The following ZNF385D variants were observed in gnomAD, a reference collection of about 807,000 sequenced individuals.
ZNF385D encodes zinc finger protein 659.
In ZNF385D, 15 loss-of-function variants were observed where a neutral mutation model predicts 35.8. That is an observed-to-expected ratio of 0.42 (90% CI 0.28 to 0.64). The LOEUF (loss-of-function observed/expected upper bound fraction) is 0.64, where lower values mean the gene tolerates loss of function less well. Ranked by LOEUF, ZNF385D falls within the 30% of genes least tolerant of loss-of-function variation. ZNF385D has a pLI of 0.23. For missense variants in ZNF385D, 474 were observed against 494.6 expected (o/e 0.96, Z 0.39); for synonymous variants, 212 against 186.8 (o/e 1.13, Z -1.10).
chr3:21,854,436 C>A (rs1334675233), intron 3 of ZNF385D, among the ~76,000 whole-genome samples: 3 of 151,880 alleles, frequency 2.0e-5, no homozygotes, highest in Admixed American at 2.0e-4. Flanking sequence ...TAATTCTTTG[C>A]CGGATTAGCT....
rs544822278 is a variant in ZNF385D, at chr3:21,937,842, T to A, written c.325+230975A>T. ...TAAATGTAGTTAATATAAGACAATA[T>A]GTATGTAGCTTTAAGTAGCCTCTAT... On this transcript the variant is annotated intron_variant, in intron 3 of 5. Transcript: ENST00000494108. 4.6e-5 allele frequency among the ~76,000 whole-genome samples: 7 copies of A among 152,318 alleles called. No individual in the cohort carries two copies. In the East Asian group the frequency reaches 1.3e-3, roughly 29 times the overall value.
At chr3:21,836,021 A>C (rs1212964778) in intron 3 of ZNF385D, among the ~76,000 whole-genome samples, 2 of 152,100 alleles carry the variant, frequency 1.3e-5, no homozygotes, top group Admixed American at 1.3e-4. Context: ...CAGACAGGTA[A>C]AGAAAATTAT....
At chr3:21,875,235 C>T (rs1697903360) in intron 3 of ZNF385D, among the ~76,000 whole-genome samples, 1 of 143,730 alleles carries the variant, frequency 7.0e-6, no homozygotes, top group African/African-American at 2.5e-5. Context: ...ATATGAATGT[C>T]TTTTTATTTC....
intron 2 of ZNF385D, among the ~76,000 whole-genome samples, chr3:22,288,002 TG>T (rs1040539731): frequency 2.0e-5 from 3 of 152,048 alleles, no homozygotes; most frequent in Admixed American, 2.0e-4. Flanking sequence ...TCTTCATCTT[TG>T]AAAGACAGAA....
At chr3:22,138,012 C>T (rs1311203168) in intron 3 of ZNF385D, among the ~76,000 whole-genome samples, 2 of 152,126 alleles carry the variant, frequency 1.3e-5, no homozygotes, top group African/African-American at 4.8e-5. Context: ...CATAAGCAAT[C>T]GTATACACCA....
chr3:22,234,511 T>C (rs1233280252), intron 2 of ZNF385D, among the ~76,000 whole-genome samples: 3 of 152,066 alleles, frequency 2.0e-5, no homozygotes, highest in Non-Finnish European at 4.4e-5. Flanking sequence ...TGAACTTGTT[T>C]CATTCTTCTC....
intron 3 of ZNF385D, among the ~76,000 whole-genome samples, chr3:21,939,243 A>C (rs1402582008): frequency 6.6e-6 from 1 of 152,216 alleles, no homozygotes; most frequent in Non-Finnish European, 1.5e-5. Context: ...CCCCGTGCCT[A>C]CTTTGGCTCT....
chr3:21,891,012 C>T (rs973734205), intron 3 of ZNF385D, among the ~76,000 whole-genome samples: 4 of 152,076 alleles, frequency 2.6e-5, no homozygotes, highest in African/African-American at 7.2e-5. Flanking sequence ...TGGAACTGGA[C>T]TAATACAGGT....
intron 4 of ZNF385D, among the ~76,000 whole-genome samples, chr3:21,460,062 A>C (rs1703067370): frequency 6.6e-6 from 1 of 152,172 alleles, no homozygotes; most frequent in African/African-American, 2.4e-5. Flanking sequence ...TTTACTCTGA[A>C]TGTTAAGCTT....
chr3:21,977,709 G>A (rs1703721668), intron 3 of ZNF385D, among the ~76,000 whole-genome samples: 2 of 151,966 alleles, frequency 1.3e-5, no homozygotes, highest in Admixed American at 1.3e-4. Flanking sequence ...TGGTGGGGCT[G>A]TCTATGGTCC....
chr3:21,595,491 TATATATGTATGTAATATATACATAG>T lies in ZNF385D; in HGVS notation c.166-30832_166-30808del, dbSNP rs1299914305. Among the ~76,000 whole-genome samples the T allele has an allele frequency of 4.2e-3, 608 of 143,914 alleles. 6 individuals are homozygous for T. Among genetic ancestry groups the T allele is most frequent in the African/African-American group, 0.015 (551 of 35,610 alleles). 94.4% of individuals were successfully genotyped at this position (143,914 alleles called of 152,430 possible). A position where few individuals can be genotyped will look rare whatever the true frequency, so the allele number is the denominator to read the frequency against. On this transcript the variant is annotated intron_variant, in intron 2 of 7. Coordinates refer to ENST00000281523, the MANE Select transcript of ZNF385D (RefSeq NM_024697.3). ...TATATAATTATATATGTTTATGTAA[TATATATGTATGTAATATATACATAG>T]ATATATGTATGTAATATATACATAG...
At chr3:21,445,354 T>C (rs1396584723) in intron 4 of ZNF385D, among the ~76,000 whole-genome samples, 1 of 152,212 alleles carries the variant, frequency 6.6e-6, no homozygotes, top group Non-Finnish European at 1.5e-5. Context: ...ACTGATCAGG[T>C]GGCTTGACTT....
At chr3:22,347,332 C>T (rs1480896530) in intron 2 of ZNF385D, among the ~76,000 whole-genome samples, 2 of 152,094 alleles carry the variant, frequency 1.3e-5, no homozygotes, top group Admixed American at 1.3e-4. Flanking sequence ...TCAGGTCAAA[C>T]CACTGCAGGG....
chr3:21,882,297 C>G (rs939555140), intron 3 of ZNF385D, among the ~76,000 whole-genome samples: 1 of 152,002 alleles, frequency 6.6e-6, no homozygotes, highest in South Asian at 2.1e-4. Flanking sequence ...CAACCACCAT[C>G]CTGTTCAGCC....
chr3:21,988,495 A>C (rs1207547139), intron 3 of ZNF385D, among the ~76,000 whole-genome samples: 1 of 142,510 alleles, frequency 7.0e-6, no homozygotes. Flanking sequence ...GTCAGGGGTC[A>C]GGGACCCACT....
chr3:21,983,931 T>C (rs373168226), intron 3 of ZNF385D, among the ~76,000 whole-genome samples: 2 of 134,808 alleles, frequency 1.5e-5, no homozygotes, highest in African/African-American at 6.2e-5. Flanking sequence ...ATGAGCATTT[T>C]TTCATGTGTT....
chr3:21,750,655 C>G (rs911881891), intron 1 of ZNF385D, among the ~76,000 whole-genome samples: 2 of 151,546 alleles, frequency 1.3e-5, no homozygotes, highest in African/African-American at 4.8e-5. Context: ...CCCCCCCGCC[C>G]CCTCCACATG....
intron 2 of ZNF385D, among the ~76,000 whole-genome samples, chr3:22,304,475 G>T (rs994633313): frequency 6.6e-6 from 1 of 152,040 alleles, no homozygotes; most frequent in African/African-American, 2.4e-5. Context: ...TTCCCTTTAC[G>T]TGTTACACAT....
At chr3:22,264,016 T>C (rs1700766372) in intron 2 of ZNF385D, among the ~76,000 whole-genome samples, 1 of 152,012 alleles carries the variant, frequency 6.6e-6, no homozygotes, top group Non-Finnish European at 1.5e-5. Context: ...CTGTCATAAC[T>C]GTAGTCATGA....
Sources: gnomAD v4.1 joint callset for allele counts (sites outside exome capture counted in the v4.1 genomes callset) on GRCh38, gnomAD v4.1.1 for gene constraint, MANE v1.5 for transcripts, NCBI Gene and HGNC (gene_info 2026-07-23, HGNC 2026-07-21) for gene names.